HMGCL: variants seen among roughly 807,000 people sequenced by gnomAD.
HMGCL encodes the protein hydroxymethylglutaryl-CoA lyase, mitochondrial.
HMGCL carries 26 observed loss-of-function variants against 37.3 expected under a neutral mutation model. That is an observed-to-expected ratio of 0.70 (90% CI 0.51 to 0.97). The LOEUF is 0.97. Ranked by LOEUF, HMGCL falls within the 50% of genes least tolerant of loss-of-function variation. HMGCL has a pLI of 0.00. For missense variants in HMGCL, 379 were observed against 398.1 expected (o/e 0.95, Z 0.41); for synonymous variants, 151 against 148.0 (o/e 1.02, Z -0.15).
rs777324642 is a variant in HMGCL at position 23,802,520 on chromosome 1, A to G, written c.921T>C (p.Cys307=). The change falls in exon 9 of 9, where the codon TGT becomes TGC. Residue 307 remains cysteine, a synonymous_variant. Coordinates refer to ENST00000374490, the MANE Select transcript of HMGCL (RefSeq NM_000191.3). ...AGCTAGTTTTTCTGTTCAGGGCTTGACAGATAAAGTTTCCAGCTTCCAGAA... is the reference window on the plus strand; with the variant it reads ...AGCTAGTTTTTCTGTTCAGGGCTTGGCAGATAAAGTTTCCAGCTTCCAGAA... The part of the protein sequence containing the change: ...QKLLEAGNFI[C]QALNRKTSSK... The G allele has an allele frequency of 1.5e-5, 24 of 1,614,104 alleles. No individual in the cohort carries two copies. The Admixed American group carries it at 4.0e-4, about 27-fold the overall frequency.
chr1:23,815,788 C>T (rs1638601392), intron 4 of HMGCL, among the ~76,000 whole-genome samples: 1 of 151,994 alleles, frequency 6.6e-6, no homozygotes, highest in African/African-American at 2.4e-5. Context: ...AGCCACCGCG[C>T]CCGGCCTGTA....
intron 1 of HMGCL, among the ~76,000 whole-genome samples, chr1:23,821,651 C>A (rs541613823): frequency 6.6e-4 from 100 of 151,826 alleles, no homozygotes; most frequent in Admixed American, 1.1e-3. Context: ...AGAGCGAGAC[C>A]CTGTCTCAAA....
intron 8 of HMGCL, among the ~76,000 whole-genome samples, chr1:23,803,074 G>A (rs762638085): frequency 2.0e-5 from 3 of 151,672 alleles, no homozygotes; most frequent in Admixed American, 6.6e-5. Flanking sequence ...TGCTCTTGTC[G>A]CCCAGGCTGG....
Position 23,814,266 on chromosome 1 carries a change from A to T in HMGCL, c.421T>A (p.Cys141Ser). 1 of 1,613,998 alleles carries T rather than the reference A, an allele frequency of 6.2e-7. No homozygotes were observed. Among genetic ancestry groups the T allele is most frequent in the Non-Finnish European group, 8.5e-7 (1 of 1,180,002 alleles). Residue 141 changes from cysteine to serine, a missense_variant, in exon 5 of 9, where the codon TGT becomes AGT. By Grantham distance (112) the Cys-to-Ser change is moderately radical. Coordinates refer to ENST00000374490, the MANE Select transcript of HMGCL (RefSeq NM_000191.3). ...CTCTGAAAACTCTCCTCTATGGAAC[A>T]ATTGATGTTCTTCTTGGTGAAGAGC... ...SELFTKKNINCSIEESFQRFD... is the reference protein window; with the variant it reads ...SELFTKKNINSSIEESFQRFD...
rs888086891 is a variant in HMGCL, at chr1:23,802,215, G to C, written c.*248C>G. 1.7e-6 allele frequency: 1 copy of C among 598,648 alleles called. No homozygotes were observed. Among genetic ancestry groups the C allele is most frequent in the South Asian group, 2.1e-5 (1 of 48,536 alleles). 37.1% of individuals were successfully genotyped at this position (598,648 alleles called of 1,614,324 possible). On this transcript the variant is annotated 3_prime_UTR_variant, in exon 9 of 9. Transcript: ENST00000374490. ...CCTCAGGCATTCAACTCCTGGGCCA[G>C]GGTCCGTAACAAAGGGAGACTTCAG...
At chr1:23,804,254 G>T in intron 8 of HMGCL, 146 bp downstream of exon 8, 1 of 921,902 alleles carries the variant, frequency 1.1e-6, no homozygotes, top group Non-Finnish European at 1.7e-6. Context: ...GAGATTACAG[G>T]CATGAGCCAC....
intron 7 of HMGCL, 66 bp from the exon 8 acceptor site, chr1:23,804,591 G>A: frequency 6.4e-7 from 1 of 1,564,934 alleles, no homozygotes; most frequent in Non-Finnish European, 8.8e-7. Context: ...GATGAGCCTT[G>A]CAAACCTCCC....
At chr1:23,816,222 G>A in intron 4 of HMGCL, 1 of 265,708 alleles carries the variant, frequency 3.8e-6, no homozygotes. Context: ...ACTGTGCCCA[G>A]CCAAAAAAAG....
chr1:23,814,361 C>T, intron 4 of HMGCL, 23 bp from the exon 5 acceptor site: 2 of 1,611,696 alleles, frequency 1.2e-6, no homozygotes, highest in South Asian at 1.1e-5. Flanking sequence ...AGGTGAACTC[C>T]TTTCAGCACT....
chr1:23,813,892 A>C, intron 5 of HMGCL: 1 of 443,274 alleles, frequency 2.3e-6, no homozygotes, highest in South Asian at 2.1e-5. Flanking sequence ...ATCATGGCTC[A>C]CTGCAGCCTC....
intron 1 of HMGCL, 135 bp downstream of exon 1, chr1:23,825,221 T>C: frequency 1.4e-6 from 1 of 734,836 alleles, no homozygotes. Flanking sequence ...GGTCCAGGAC[T>C]CCAACGCCCT....
chr1:23,808,407 G>A, intron 6 of HMGCL, 84 bp from the exon 7 acceptor site: 1 of 1,123,210 alleles, frequency 8.9e-7, no homozygotes, highest in Non-Finnish European at 1.4e-6. Flanking sequence ...CCTTTGCCTG[G>A]GCAGAACACT....
At chr1:23,815,115 G>C (rs2148422875) in intron 4 of HMGCL, among the ~76,000 whole-genome samples, 1 of 152,182 alleles carries the variant, frequency 6.6e-6, no homozygotes, top group South Asian at 2.1e-4. Flanking sequence ...GCTGAGGTGG[G>C]AGAATCACTT....
Position 23,821,771 on chromosome 1 carries a change from G to A in HMGCL, c.61-1178C>T, listed in dbSNP as rs546459258. ...CCTGGAATCATCACTCGCCCCTACT[G>A]TCCACTCCCAACCTCCACCCAACAG... is the stretch of plus-strand genomic sequence containing the variant. On this transcript the variant is annotated intron_variant, in intron 1 of 8. Transcript: ENST00000374490. Among the ~76,000 whole-genome samples, 6 of 152,016 alleles carry A rather than the reference G, an allele frequency of 3.9e-5. No homozygotes were observed. The South Asian group carries it at 8.3e-4, about 21-fold the overall frequency.
chr1:23,813,195 G>C (rs1638551604), intron 5 of HMGCL, among the ~76,000 whole-genome samples: 1 of 139,318 alleles, frequency 7.2e-6, no homozygotes, highest in African/African-American at 2.7e-5. Flanking sequence ...CAGCCCAGAT[G>C]TGCACTTTTC....
At chr1:23,820,434 C>T in intron 2 of HMGCL, 76 bp downstream of exon 2, 2 of 995,910 alleles carry the variant, frequency 2.0e-6, no homozygotes, top group Non-Finnish European at 1.6e-6. Context: ...CTGTCAACTG[C>T]CATTGCACCT....
At chr1:23,819,462 C>T (rs1027384914) in intron 2 of HMGCL, among the ~76,000 whole-genome samples, 7 of 152,206 alleles carry the variant, frequency 4.6e-5, no homozygotes, top group Non-Finnish European at 8.8e-5. Flanking sequence ...GGCGCATTGG[C>T]TCATGCCTGT....
intron 7 of HMGCL, among the ~76,000 whole-genome samples, chr1:23,805,048 T>C (rs1464704191): frequency 6.6e-6 from 1 of 151,968 alleles, no homozygotes; most frequent in Non-Finnish European, 1.5e-5. Flanking sequence ...CCCATCCTCA[T>C]TCTCATCTGC....
At chr1:23,823,562 A>C (rs1489446235) in intron 1 of HMGCL, among the ~76,000 whole-genome samples, 1 of 152,050 alleles carries the variant, frequency 6.6e-6, no homozygotes, top group East Asian at 1.9e-4. Context: ...CAGGTTGGCC[A>C]GGCTGGTCCC....
Sources: gnomAD v4.1 joint callset for allele counts (sites outside exome capture counted in the v4.1 genomes callset) on GRCh38, gnomAD v4.1.1 for gene constraint, MANE v1.5 for transcripts, NCBI Gene and HGNC (gene_info 2026-07-23, HGNC 2026-07-21) for gene names.